Variants in NUP210L observed in about 807,000 individuals in gnomAD.
NUP210L encodes the protein nucleoporin 210 like.
A neutral mutation model predicts 208.5 loss-of-function variants in NUP210L; 74 were observed. That is an observed-to-expected ratio of 0.35 (90% CI 0.29 to 0.43). The LOEUF is 0.43. Among genes scored for constraint, NUP210L ranks in the 20% least tolerant of loss-of-function variants. The probability of loss-of-function intolerance (pLI) is 1.00; values close to 1 mark genes in which losing one functional copy is unlikely to be tolerated. For synonymous variants in NUP210L, 780 were observed against 816.9 expected, an observed-to-expected ratio of 0.95 and a Z score of 0.77; for missense variants, 1,843 against 2,289.4, an observed-to-expected ratio of 0.81 and a Z score of 3.98.
At chr1:154,028,915 C>T (rs983918337) in intron 28 of NUP210L, among the ~76,000 whole-genome samples, 5 of 150,604 alleles carry the variant, frequency 3.3e-5, no homozygotes, top group African/African-American at 4.9e-5. Flanking sequence ...GACAACGTGG[C>T]GAAACCCCGT....
intron 37 of NUP210L, among the ~76,000 whole-genome samples, 185 bp downstream of exon 37, chr1:154,000,671 C>A (rs1650156892): frequency 6.6e-6 from 1 of 152,190 alleles, no homozygotes. Flanking sequence ...TGTGAGATTT[C>A]CTCATGCTAT....
intron 38 of NUP210L, 38 bp downstream of exon 38, chr1:153,995,038 C>A (rs1309688500): frequency 2.2e-5 from 26 of 1,177,866 alleles, no homozygotes; most frequent in Non-Finnish European, 3.2e-5. Flanking sequence ...AGGCAGTTTT[C>A]ATGTCAAAGT....
chr1:154,026,515 A>AT (rs1651885785), intron 29 of NUP210L, among the ~76,000 whole-genome samples: 1 of 151,754 alleles, frequency 6.6e-6, no homozygotes, highest in Non-Finnish European at 1.5e-5. Context: ...CCCCTGGCTA[A>AT]TTTAGTATTT....
intron 12 of NUP210L, among the ~76,000 whole-genome samples, chr1:154,106,343 T>G (rs1656761450): frequency 6.6e-6 from 1 of 152,176 alleles, no homozygotes; most frequent in Admixed American, 6.6e-5. Context: ...CGCAGTAGAA[T>G]AGAGCATCAG....
chr1:154,145,898 G>A (rs900744226), intron 2 of NUP210L, among the ~76,000 whole-genome samples: 5 of 152,106 alleles, frequency 3.3e-5, no homozygotes, highest in African/African-American at 9.7e-5. Flanking sequence ...AAGCACACTG[G>A]CACCCAGATC....
At chr1:154,064,064 T>C (rs940725466) in intron 17 of NUP210L, among the ~76,000 whole-genome samples, 1 of 151,360 alleles carries the variant, frequency 6.6e-6, no homozygotes, top group African/African-American at 2.4e-5. Context: ...TAATATTTTA[T>C]TATTTTTTAA....
intron 28 of NUP210L, 26 bp from the exon 29 acceptor site, chr1:154,027,623 T>C (rs755073714): frequency 2.0e-6 from 3 of 1,536,940 alleles, no homozygotes; most frequent in Non-Finnish European, 2.7e-6. Flanking sequence ...GTTTTCCTCA[T>C]TTTTGGCAAA....
chr1:154,001,667 G>T (rs1337318056), intron 36 of NUP210L, 68 bp downstream of exon 36: 1 of 1,527,550 alleles, frequency 6.5e-7, no homozygotes, highest in African/African-American at 1.4e-5. Flanking sequence ...TGCCCTTGAA[G>T]TGAGAATGAA....
At chr1:154,044,055 A>G (rs989952806) in intron 27 of NUP210L, among the ~76,000 whole-genome samples, 3 of 152,236 alleles carry the variant, frequency 2.0e-5, no homozygotes, top group African/African-American at 4.8e-5. Context: ...AGGGAGAAGT[A>G]GAATAGAGGC....
At chr1:154,066,207 T>C (rs1654407346) in intron 17 of NUP210L, among the ~76,000 whole-genome samples, 1 of 151,944 alleles carries the variant, frequency 6.6e-6, no homozygotes, top group East Asian at 1.9e-4. Context: ...AACATCACAA[T>C]TGAAAGAACT....
At chr1:154,128,419 A>G (rs1451879922) in intron 8 of NUP210L, among the ~76,000 whole-genome samples, 1 of 152,148 alleles carries the variant, frequency 6.6e-6, no homozygotes, top group Non-Finnish European at 1.5e-5. Context: ...CAGGAATTGG[A>G]GGCTACAGTG....
At position 154,119,672 on chromosome 1, in the gene NUP210L, G is replaced by A. The variant is rs137893219; in HGVS notation, c.1327-864C>T. ...GGCTGAATGTAGGACTTGAGTATGC[G>A]TGGATTTTGGTATATGTGGGGTCCT... On this transcript the variant is annotated intron_variant, in intron 10 of 39. Transcript: ENST00000368559. Among the ~76,000 whole-genome samples, 131 of 152,228 alleles carry A rather than the reference G, an allele frequency of 8.6e-4. 1 individual carries two copies. In the East Asian group the frequency reaches 0.019, roughly 22 times the overall value.
chr1:154,057,086 C>T (rs530511939), intron 22 of NUP210L, 139 bp from the exon 23 acceptor site: 7 of 716,744 alleles, frequency 9.8e-6, no homozygotes, highest in Admixed American at 3.1e-5. Context: ...TCAATGTATC[C>T]TCCCACCTCA....
At position 154,143,434 on chromosome 1, in the gene NUP210L, G is replaced by C. The variant is rs768038938; in HGVS notation, c.472+12C>G. The C allele has an allele frequency of 4.4e-6, 7 of 1,608,990 alleles. No homozygotes were observed. Among genetic ancestry groups the C allele is most frequent in the Non-Finnish European group, 5.9e-6 (7 of 1,178,468 alleles). ...TTTAGGTAATTTTGTTGAATCCTCT[G>C]AAGTTCTTTACCTTCAGCATCCAAT... On this transcript the variant is annotated intron_variant, in intron 3 of 39. Transcript: ENST00000368559.
intron 34 of NUP210L, among the ~76,000 whole-genome samples, chr1:154,011,933 C>T (rs1650950977): frequency 6.6e-6 from 1 of 151,214 alleles, no homozygotes; most frequent in African/African-American, 2.4e-5. Context: ...TGGTCTTGAA[C>T]TCCCGACCTC....
rs1021271356 is a variant in NUP210L at position 154,001,182 on chromosome 1, C to T, written c.5182-122G>A. 4.9e-5 allele frequency: 39 copies of T among 803,736 alleles called. 1 individual carries two copies. Among genetic ancestry groups the T allele is most frequent in the African/African-American group, 3.8e-4 (22 of 57,374 alleles). 49.8% of individuals were successfully genotyped at this position (803,736 alleles called of 1,614,324 possible). A position where few individuals can be genotyped will look rare whatever the true frequency, so the allele number is the denominator to read the frequency against. On this transcript the variant is annotated intron_variant, in intron 36 of 39. Transcript: ENST00000368559. ...AGATCTGGATTTCTAGCTAGCTAGC[C>T]GACAATCAAATCATTTACTTTTTTG... is the stretch of plus-strand genomic sequence containing the variant.
At chr1:154,083,116 G>C (rs11586701) in intron 16 of NUP210L, among the ~76,000 whole-genome samples, 35,721 of 151,994 alleles carry the variant, frequency 0.24, 5,120 homozygotes, top group Admixed American at 0.36. Context: ...GCACAGAAAA[G>C]CAACCGAGCA....
intron 29 of NUP210L, among the ~76,000 whole-genome samples, chr1:154,026,010 G>A (rs1651857024): frequency 6.6e-6 from 1 of 151,828 alleles, no homozygotes; most frequent in Non-Finnish European, 1.5e-5. Flanking sequence ...ATCACCTGAG[G>A]TCAGGAGTTC....
In NUP210L at chr1:154,127,359, A is replaced by G; in HGVS notation, c.1137T>C (p.Ile379=). The G allele has an allele frequency of 1.9e-6, 3 of 1,608,134 alleles. No individual in the cohort carries two copies. The South Asian group carries it at 3.3e-5, about 18-fold the overall frequency. ...TGCTTTTATCAAAGACGTCTACTGTAATGACATATACCTGTCCCACCTCTA... is the reference window on the plus strand; with the variant it reads ...TGCTTTTATCAAAGACGTCTACTGTGATGACATATACCTGTCCCACCTCTA... The change falls in exon 9 of 40, where the codon ATT becomes ATC. Residue 379 remains isoleucine (I), a synonymous_variant. Coordinates refer to ENST00000368559, the Ensembl canonical transcript of NUP210L.
Sources: gnomAD v4.1 joint callset for allele counts (sites outside exome capture counted in the v4.1 genomes callset) on GRCh38, gnomAD v4.1.1 for gene constraint, MANE v1.5 for transcripts, NCBI Gene and HGNC (gene_info 2026-07-23, HGNC 2026-07-21) for gene names.